Variants in SDK1 observed in about 807,000 individuals in gnomAD.
The protein encoded by SDK1 is protein sidekick-1.
Under a neutral mutation model 245.5 loss-of-function variants are expected in SDK1, and 157 were observed. That is an observed-to-expected ratio of 0.64 (90% CI 0.56 to 0.73). The LOEUF (loss-of-function observed/expected upper bound fraction) is 0.73. SDK1 is among the 30% of genes least tolerant of loss of function. SDK1 has a pLI of 0.00. For synonymous variants in SDK1, 1,647 were observed against 1,278.5 expected (o/e 1.29, Z -6.15); for missense variants, 3,583 against 3,002.3 (o/e 1.19, Z -4.52).
chr7:3,835,478 G>A (rs1156311816), intron 5 of SDK1, among the ~76,000 whole-genome samples: 1 of 152,104 alleles, frequency 6.6e-6, no homozygotes, highest in Non-Finnish European at 1.5e-5. Context: ...ACTTTCACTT[G>A]GAAATTAAAT....
At chr7:4,124,325 C>A (rs1186497502) in intron 25 of SDK1, among the ~76,000 whole-genome samples, 1 of 152,156 alleles carries the variant, frequency 6.6e-6, no homozygotes, top group African/African-American at 2.4e-5. Flanking sequence ...GGGCCATGAT[C>A]CCCCTGAAAG....
At chr7:4,028,193 A>G (rs970073661) in intron 17 of SDK1, among the ~76,000 whole-genome samples, 4 of 152,182 alleles carry the variant, frequency 2.6e-5, no homozygotes, top group African/African-American at 4.8e-5. Flanking sequence ...AACTCTTACC[A>G]TATGTGTTTC....
chr7:3,633,536 T>G (rs1362416049), intron 2 of SDK1, among the ~76,000 whole-genome samples: 1 of 152,172 alleles, frequency 6.6e-6, no homozygotes, highest in Non-Finnish European at 1.5e-5. Context: ...TGTCCCAGTT[T>G]AAGGGGATTC....
intron 1 of SDK1, among the ~76,000 whole-genome samples, chr7:3,355,533 A>G (rs1356037433): frequency 6.6e-6 from 1 of 151,926 alleles, no homozygotes; most frequent in Non-Finnish European, 1.5e-5. Flanking sequence ...TTCCAGTTAG[A>G]TTTCTTCTCC....
chr7:3,627,217 C>T (rs1310150382), intron 2 of SDK1, among the ~76,000 whole-genome samples: 2 of 152,170 alleles, frequency 1.3e-5, no homozygotes, highest in East Asian at 3.9e-4. Context: ...GCGTGAGCTG[C>T]CATGTCCAGC....
chr7:3,985,679 A>G (rs1382770849), intron 13 of SDK1, among the ~76,000 whole-genome samples: 1 of 152,178 alleles, frequency 6.6e-6, no homozygotes, highest in African/African-American at 2.4e-5. Flanking sequence ...AACTTAATTC[A>G]CAATTAAAGA....
intron 2 of SDK1, among the ~76,000 whole-genome samples, chr7:3,635,268 A>G (rs146823360): frequency 2.6e-5 from 4 of 152,366 alleles, no homozygotes; most frequent in East Asian, 1.9e-4. Flanking sequence ...AAACTCAACA[A>G]TATTTTTTCT....
intron 22 of SDK1, among the ~76,000 whole-genome samples, chr7:4,086,779 C>T (rs1396270568): frequency 1.3e-5 from 2 of 152,152 alleles, no homozygotes; most frequent in Non-Finnish European, 2.9e-5. Context: ...AGGCAGCGTA[C>T]TCATGGGTTC....
chr7:3,704,108 C>G (rs1455219117), intron 4 of SDK1, among the ~76,000 whole-genome samples: 1 of 152,124 alleles, frequency 6.6e-6, no homozygotes, highest in African/African-American at 2.4e-5. Context: ...GTATCCACAG[C>G]TTTGCTTCCA....
Position 4,178,489 on chromosome 7 carries a change from AAAG to A in SDK1, c.5005_5007del (p.Lys1669del). On this transcript the variant is annotated inframe_deletion, in exon 35 of 45. Transcript: ENST00000404826. ...ATATTTCCTTCAACCCTGCAGATTT[AAAG>A]AAGTACCGGCGCTATGAAGTAATAA... The A allele has an allele frequency of 1.2e-6, 2 of 1,611,924 alleles. No homozygotes were observed. The highest frequency in any genetic ancestry group is 1.7e-6 in the Non-Finnish European group (2 of 1,177,984).
At chr7:3,644,637 G>A (rs1040941459) in intron 4 of SDK1, among the ~76,000 whole-genome samples, 3 of 151,542 alleles carry the variant, frequency 2.0e-5, no homozygotes, top group East Asian at 1.9e-4. Flanking sequence ...GTGGTGGCAC[G>A]AACCTGTATT....
chr7:3,403,854 TATATATATATATATAA>T (rs1778970258), intron 1 of SDK1, among the ~76,000 whole-genome samples: 1 of 102,690 alleles, frequency 9.7e-6, no homozygotes, highest in Non-Finnish European at 1.9e-5. Flanking sequence ...TATATATATA[TATATATATATATATAA>T]TATATATATT....
intron 4 of SDK1, among the ~76,000 whole-genome samples, chr7:3,697,798 A>G (rs1257773293): frequency 1.3e-5 from 2 of 152,198 alleles, no homozygotes; most frequent in Non-Finnish European, 2.9e-5. Context: ...TTTGCTGATC[A>G]TCAATCTGTG....
rs1477798655 is a variant in SDK1, at chr7:3,865,367, T to C, written c.847+43784T>C. 3.3e-5 allele frequency among the ~76,000 whole-genome samples: 5 copies of C among 152,338 alleles called. No individual in the cohort carries two copies. The East Asian group carries it at 7.7e-4, about 24-fold the overall frequency. On this transcript the variant is annotated intron_variant, in intron 5 of 44. Transcript: ENST00000404826. The stretch of plus-strand genomic sequence containing the variant: ...CACTCCCTTTGGAGGGATGTGGGAA[T>C]GTGGAGAGGAGTAAGACCGACAGAC...
intron 1 of SDK1, among the ~76,000 whole-genome samples, chr7:3,527,589 G>A (rs1345559239): frequency 6.6e-6 from 1 of 152,184 alleles, no homozygotes; most frequent in Non-Finnish European, 1.5e-5. Context: ...TAGCCAGTTA[G>A]AGGGTGAGTG....
At chr7:3,633,514 A>C (rs755109250) in intron 2 of SDK1, among the ~76,000 whole-genome samples, 1 of 152,170 alleles carries the variant, frequency 6.6e-6, no homozygotes, top group Non-Finnish European at 1.5e-5. Context: ...AACTTCTTAT[A>C]ACAGGTAAAT....
At chr7:3,345,618 C>G (rs1191440637) in intron 1 of SDK1, among the ~76,000 whole-genome samples, 1 of 152,134 alleles carries the variant, frequency 6.6e-6, no homozygotes, top group Non-Finnish European at 1.5e-5. Context: ...AGTAACATAT[C>G]AGGGCTTGTA....
intron 1 of SDK1, among the ~76,000 whole-genome samples, chr7:3,367,030 G>A (rs7783541): frequency 0.1 from 15,439 of 152,104 alleles, 1,005 homozygotes; most frequent in African/African-American, 0.17. Flanking sequence ...GTGAGCTACC[G>A]CGCCCGGCCT....
chr7:3,845,349 G>C (rs1780249743), intron 5 of SDK1, among the ~76,000 whole-genome samples: 1 of 151,942 alleles, frequency 6.6e-6, no homozygotes. Flanking sequence ...ACTTAGCTGG[G>C]CGTGGTGGTG....
Sources: allele counts gnomAD v4.1 joint callset (sites outside exome capture counted in the v4.1 genomes callset), GRCh38; gene constraint gnomAD v4.1.1; transcripts MANE v1.5; gene names NCBI Gene and HGNC (gene_info 2026-07-23, HGNC 2026-07-21).